Variants in GRM5 observed in about 807,000 individuals in gnomAD.
GRM5 encodes the protein metabotropic glutamate receptor 5.
A neutral mutation model predicts 83.1 loss-of-function variants in GRM5; 19 were observed. That is an observed-to-expected ratio of 0.23 (90% CI 0.16 to 0.34). GRM5 has a LOEUF of 0.34. Ranked by LOEUF, GRM5 falls within the 10% of genes least tolerant of loss-of-function variation. The probability of loss-of-function intolerance (pLI) is 1.00; values close to 1 mark genes in which losing one functional copy is unlikely to be tolerated. For synonymous variants in GRM5, 675 were observed against 633.6 expected, an observed-to-expected ratio of 1.07 and a Z score of -0.98; for missense variants, 1,160 against 1,588.3, an observed-to-expected ratio of 0.73 and a Z score of 4.58.
At chr11:88,952,582 T>G (rs1475295429) in intron 2 of GRM5, among the ~76,000 whole-genome samples, 1 of 152,048 alleles carries the variant, frequency 6.6e-6, no homozygotes, top group Non-Finnish European at 1.5e-5. Flanking sequence ...CTACTACCTC[T>G]TGTAAATTCC....
intron 2 of GRM5, among the ~76,000 whole-genome samples, chr11:88,876,611 A>T (rs1407699124): frequency 6.6e-6 from 1 of 152,046 alleles, no homozygotes; most frequent in East Asian, 1.9e-4. Flanking sequence ...TCTAGCTTTC[A>T]TTTAAAGTGA....
At chr11:88,527,838 G>C (rs193155270) in intron 8 of GRM5, among the ~76,000 whole-genome samples, 44 of 152,144 alleles carry the variant, frequency 2.9e-4, no homozygotes, top group Non-Finnish European at 8.8e-5. Context: ...TGGAGAAACA[G>C]AAAACCAAGT....
chr11:88,788,155 A>G (rs1210575588), intron 3 of GRM5, among the ~76,000 whole-genome samples: 1 of 152,122 alleles, frequency 6.6e-6, no homozygotes, highest in Non-Finnish European at 1.5e-5. Context: ...TGCTCCTTAG[A>G]TCAGAACAGG....
intron 2 of GRM5, among the ~76,000 whole-genome samples, chr11:89,014,832 A>G (rs530517502): frequency 2.6e-5 from 4 of 152,292 alleles, no homozygotes; most frequent in African/African-American, 9.6e-5. Context: ...AAGTCTTAAA[A>G]ATAATTTTTT....
chr11:88,520,395 T>C (rs892842068), intron 9 of GRM5, among the ~76,000 whole-genome samples: 2 of 152,228 alleles, frequency 1.3e-5, no homozygotes, highest in African/African-American at 4.8e-5. Flanking sequence ...GTTTAAATTA[T>C]ATAACTACAT....
At chr11:88,834,952 G>A (rs779911380) in intron 3 of GRM5, among the ~76,000 whole-genome samples, 3 of 151,910 alleles carry the variant, frequency 2.0e-5, no homozygotes, top group African/African-American at 4.8e-5. Flanking sequence ...GAAGAGAACC[G>A]TTTTTCTGCC....
chr11:88,588,097 C>A (rs1470302676), intron 7 of GRM5, among the ~76,000 whole-genome samples: 1 of 152,184 alleles, frequency 6.6e-6, no homozygotes, highest in Non-Finnish European at 1.5e-5. Flanking sequence ...CTTCTCCCAT[C>A]AGCACCTTCT....
At chr11:88,877,136 G>T (rs138612958) in intron 2 of GRM5, among the ~76,000 whole-genome samples, 1,666 of 152,144 alleles carry the variant, frequency 0.011, 24 homozygotes, top group Non-Finnish European at 0.015. Flanking sequence ...GGAGGAATGA[G>T]TTCTGGTGTT....
chr11:88,869,718 A>G (rs561982609), intron 2 of GRM5, among the ~76,000 whole-genome samples: 1 of 151,632 alleles, frequency 6.6e-6, no homozygotes, highest in South Asian at 2.1e-4. Flanking sequence ...TTCCTTGAAA[A>G]ATATTTTTAT....
chr11:88,917,502 A>G (rs887033837), intron 2 of GRM5, among the ~76,000 whole-genome samples: 1 of 152,224 alleles, frequency 6.6e-6, no homozygotes, highest in African/African-American at 2.4e-5. Context: ...TAAGGCACCA[A>G]TGAGCAATCC....
At chr11:88,691,278 T>C (rs1289826142) in intron 3 of GRM5, among the ~76,000 whole-genome samples, 2 of 152,228 alleles carry the variant, frequency 1.3e-5, no homozygotes, top group Non-Finnish European at 2.9e-5. Flanking sequence ...GTCACATTTT[T>C]ACATAATTTA....
chr11:88,866,657 C>A (rs868478330), intron 2 of GRM5, among the ~76,000 whole-genome samples: 2 of 151,920 alleles, frequency 1.3e-5, no homozygotes, highest in Non-Finnish European at 2.9e-5. Context: ...CACTTTTTAA[C>A]ATAATTTGTT....
chr11:88,914,822 T>C (rs1945562678), intron 2 of GRM5, among the ~76,000 whole-genome samples: 1 of 152,202 alleles, frequency 6.6e-6, no homozygotes, highest in African/African-American at 2.4e-5. Flanking sequence ...TTCTCAAACG[T>C]AAAGAAAAAT....
At chr11:88,959,710 T>C (rs1335694953) in intron 2 of GRM5, among the ~76,000 whole-genome samples, 2 of 152,166 alleles carry the variant, frequency 1.3e-5, no homozygotes, top group Non-Finnish European at 2.9e-5. Flanking sequence ...TGTTCAGATA[T>C]TGACCTTAGT....
At chr11:88,630,546 CACACACACACACACACACACACACACAA>C (rs1471741272) in intron 4 of GRM5, among the ~76,000 whole-genome samples, 8 of 12,744 alleles carry the variant, frequency 6.3e-4, no homozygotes, top group Non-Finnish European at 1.2e-3. Flanking sequence ...AATACACACA[CACACACACACACACACACACACACACAA>C]ACACACACAC....
At chr11:88,537,379 T>C (rs914436977) in intron 8 of GRM5, among the ~76,000 whole-genome samples, 1 of 152,094 alleles carries the variant, frequency 6.6e-6, no homozygotes, top group Non-Finnish European at 1.5e-5. Flanking sequence ...GAGGCATCAC[T>C]AAGAAGAGCT....
chr11:88,947,425 C>T (rs1362325766), intron 2 of GRM5, among the ~76,000 whole-genome samples: 1 of 152,076 alleles, frequency 6.6e-6, no homozygotes, highest in Non-Finnish European at 1.5e-5. Flanking sequence ...ACAATAAAGT[C>T]ACCCACAAGC....
At chr11:88,690,662 G>A (rs941470580) in intron 3 of GRM5, among the ~76,000 whole-genome samples, 5 of 152,264 alleles carry the variant, frequency 3.3e-5, no homozygotes, top group Non-Finnish European at 5.9e-5. Context: ...TCAAATGAAT[G>A]ACAAGGTCCC....
rs145629952 is a variant in GRM5 at position 88,797,700 on chromosome 11, T to C, written c.911+52206A>G. 2.0e-3 allele frequency among the ~76,000 whole-genome samples: 300 copies of C among 152,280 alleles called. 1 individual carries two copies. The highest frequency in any genetic ancestry group is 6.8e-3 in the African/African-American group (281 of 41,576). On this transcript the variant is annotated intron_variant, in intron 3 of 9. Coordinates refer to ENST00000305447, the MANE Select transcript of GRM5 (RefSeq NM_001143831.3). ...AGGTTCTAAATTTGTTGGATTCTCT[T>C]ACCTGTCACAATATAGGATCCTATT...
Sources: allele counts gnomAD v4.1 joint callset (sites outside exome capture counted in the v4.1 genomes callset), GRCh38; gene constraint gnomAD v4.1.1; transcripts MANE v1.5; gene names NCBI Gene and HGNC (gene_info 2026-07-23, HGNC 2026-07-21).